The following SLC36A1 variants were observed in gnomAD, a reference collection of about 807,000 sequenced individuals.
SLC36A1 encodes proton-coupled amino acid transporter 1.
SLC36A1 carries 30 observed loss-of-function variants against 47.5 expected under a neutral mutation model. The observed-to-expected ratio is 0.63, with a 90% CI of 0.47 to 0.86. The LOEUF (loss-of-function observed/expected upper bound fraction) is 0.86. SLC36A1 is among the 40% of genes least tolerant of loss of function. SLC36A1 has a pLI of 0.00. For missense variants in SLC36A1, 517 were observed against 606.0 expected, an observed-to-expected ratio of 0.85 and a Z score of 1.54; for synonymous variants, 255 against 249.7, an observed-to-expected ratio of 1.02 and a Z score of -0.20.
chr5:151,457,497 A>G (rs1754738303), intron 1 of SLC36A1, among the ~76,000 whole-genome samples: 1 of 152,262 alleles, frequency 6.6e-6, no homozygotes. Context: ...ACACATTGAA[A>G]GGACATTTTT....
rs1756666480 is a variant in SLC36A1 at position 151,467,817 on chromosome 5, G to C, written c.615G>C (p.Leu205=). The change falls in exon 7 of 11, where the codon CTG becomes CTC. Residue 205 remains leucine (L), a synonymous_variant. Coordinates refer to ENST00000243389, the MANE Select transcript of SLC36A1 (RefSeq NM_078483.4). ...ACATGCTCTCCTTCCTGCCCTTCCTGGTGCTGCTGGTTTTCATCAGGAACC... is the reference window on the plus strand; with the variant it reads ...ACATGCTCTCCTTCCTGCCCTTCCTCGTGCTGCTGGTTTTCATCAGGAACC... ...RLYMLSFLPF[L]VLLVFIRNLR... 1 of 1,613,944 alleles carries C rather than the reference G, an allele frequency of 6.2e-7. No homozygotes were observed. Among genetic ancestry groups the C allele is most frequent in the Non-Finnish European group, 8.5e-7 (1 of 1,179,980 alleles).
At chr5:151,548,187 G>C in the SLC36A1 span, among the ~76,000 whole-genome samples, 3 of 152,272 alleles carry the variant, frequency 2.0e-5, no homozygotes, top group East Asian at 5.8e-4. Flanking sequence ...AGTAGCTACT[G>C]TATAAGCTAC....
intron 7 of SLC36A1, among the ~76,000 whole-genome samples, chr5:151,468,750 G>T (rs979944811): frequency 3.3e-5 from 5 of 151,974 alleles, no homozygotes. Context: ...CAATTAGATG[G>T]TTAATTCATG....
chr5:151,478,989 C>T (rs1168304265), intron 9 of SLC36A1, among the ~76,000 whole-genome samples: 2 of 152,252 alleles, frequency 1.3e-5, no homozygotes, highest in African/African-American at 2.4e-5. Flanking sequence ...CACACCATCA[C>T]ACCTAGAGTT....
At chr5:151,363,915 G>A in the SLC36A1 span, among the ~76,000 whole-genome samples, 1 of 152,278 alleles carries the variant, frequency 6.6e-6, no homozygotes, top group East Asian at 1.9e-4. Context: ...GTGTCACATG[G>A]TATTATAAGC....
chr5:151,345,133 A>T, the SLC36A1 span, among the ~76,000 whole-genome samples: 1 of 152,184 alleles, frequency 6.6e-6, no homozygotes, highest in African/African-American at 2.4e-5. Flanking sequence ...CTATTAGCGG[A>T]ATTACAAAAC....
chr5:151,521,369 G>A, the SLC36A1 span: 1 of 1,614,242 alleles, frequency 6.2e-7, no homozygotes, highest in Non-Finnish European at 8.5e-7. Flanking sequence ...GGGTCCAGAT[G>A]CACTGTGTTA....
the SLC36A1 span, chr5:151,529,126 G>T: frequency 1.3e-6 from 2 of 1,513,646 alleles, no homozygotes; most frequent in Non-Finnish European, 1.8e-6. Context: ...GGTGAGATAA[G>T]AACCCATCCC....
At chr5:151,398,484 G>A in the SLC36A1 span, among the ~76,000 whole-genome samples, 3 of 152,158 alleles carry the variant, frequency 2.0e-5, no homozygotes, top group African/African-American at 7.2e-5. Context: ...CTGAACAAAG[G>A]ATGGAAAAGG....
At chr5:151,543,663 T>C in the SLC36A1 span, 1 of 1,614,216 alleles carries the variant, frequency 6.2e-7, no homozygotes, top group South Asian at 1.1e-5. Flanking sequence ...CTGCTAATTC[T>C]GCCTCATAAA....
the SLC36A1 span, among the ~76,000 whole-genome samples, chr5:151,425,039 C>G: frequency 6.6e-6 from 1 of 152,206 alleles, no homozygotes; most frequent in Non-Finnish European, 1.5e-5. Flanking sequence ...GGCTAAGGCT[C>G]ACATAAGCTC....
the SLC36A1 span, among the ~76,000 whole-genome samples, chr5:151,417,373 A>G: frequency 6.6e-6 from 1 of 152,166 alleles, no homozygotes; most frequent in South Asian, 2.1e-4. Flanking sequence ...GATGGTGATG[A>G]GAAACTTGTT....
At chr5:151,428,201 A>G in the SLC36A1 span, among the ~76,000 whole-genome samples, 1 of 152,062 alleles carries the variant, frequency 6.6e-6, no homozygotes, top group African/African-American at 2.4e-5. Context: ...TATATTTCTG[A>G]TATTTTTCTG....
At chr5:151,524,093 T>C in the SLC36A1 span, among the ~76,000 whole-genome samples, 1 of 152,078 alleles carries the variant, frequency 6.6e-6, no homozygotes, top group Non-Finnish European at 1.5e-5. Context: ...TTCTCACTGG[T>C]CTCCCTCACC....
the SLC36A1 span, among the ~76,000 whole-genome samples, chr5:151,530,406 T>C: frequency 0.75 from 114,724 of 152,080 alleles, 43,508 homozygotes; most frequent in East Asian, 0.96. Context: ...TACAAGGACC[T>C]GAGGGATATG....
intron 10 of SLC36A1, among the ~76,000 whole-genome samples, chr5:151,487,193 G>A (rs572475751): frequency 3.3e-5 from 5 of 152,344 alleles, no homozygotes; most frequent in Admixed American, 2.0e-4. Context: ...GATGGGAAGC[G>A]TGGGGTCAGT....
chr5:151,517,564 C>T, the SLC36A1 span: 4 of 1,606,918 alleles, frequency 2.5e-6, no homozygotes, highest in African/African-American at 1.3e-5. Flanking sequence ...GCCTCACCCC[C>T]TACCTCCCCA....
chr5:151,468,269 AT>A (rs1561759743), intron 7 of SLC36A1, among the ~76,000 whole-genome samples: 75 of 81,618 alleles, frequency 9.2e-4, no homozygotes, highest in African/African-American at 3.9e-3. Flanking sequence ...AAAAAAAAAT[AT>A]ATATATATAT....
chr5:151,456,741 T>C (rs1561734204), intron 1 of SLC36A1, among the ~76,000 whole-genome samples: 1 of 152,202 alleles, frequency 6.6e-6, no homozygotes, highest in Non-Finnish European at 1.5e-5. Context: ...GTACTTCCCT[T>C]GTGAGATAGC....
Sources: allele counts gnomAD v4.1 joint callset (sites outside exome capture counted in the v4.1 genomes callset), GRCh38; gene constraint gnomAD v4.1.1; transcripts MANE v1.5; gene names NCBI Gene and HGNC (gene_info 2026-07-23, HGNC 2026-07-21).